Variants in PLEKHB2 observed in about 807,000 individuals in gnomAD.
PLEKHB2 encodes the protein pleckstrin homology domain-containing family B member 2.
In PLEKHB2, 31 loss-of-function variants were observed where a neutral mutation model predicts 36.5. The ratio of observed to expected loss-of-function variants is 0.85; its 90% CI spans 0.64 to 1.15. The LOEUF (loss-of-function observed/expected upper bound fraction) is 1.15, where lower values mean the gene tolerates loss of function less well. Ranked by LOEUF, PLEKHB2 falls within the 50% of genes most tolerant of loss-of-function variation. PLEKHB2 has a pLI of 0.00. For synonymous variants in PLEKHB2, 119 were observed against 112.0 expected, an observed-to-expected ratio of 1.06 and a Z score of -0.39; for missense variants, 262 against 295.3, an observed-to-expected ratio of 0.89 and a Z score of 0.83.
chr2:131,148,546 TACAC>T lies in PLEKHB2; in HGVS notation c.*1777_*1780del, dbSNP rs1467620754. 6.6e-6 allele frequency: 1 copy of T among 151,302 alleles called. No individual in the cohort carries two copies. Among genetic ancestry groups the T allele is most frequent in the Non-Finnish European group, 1.5e-5 (1 of 68,044 alleles). 9.4% of individuals were successfully genotyped at this position (151,302 alleles called of 1,614,324 possible). ...AGACTTGTTATTTTGCCTGGCTGGTTACACACATGCTGTCTTGCTTTGCTGCTCA... is the reference window on the plus strand; with the variant it reads ...AGACTTGTTATTTTGCCTGGCTGGTTACATGCTGTCTTGCTTTGCTGCTCA... On this transcript the variant is annotated 3_prime_UTR_variant, in exon 8 of 8. Coordinates refer to ENST00000693505, the MANE Select transcript of PLEKHB2 (RefSeq NM_001100623.2).
intron 2 of PLEKHB2, among the ~76,000 whole-genome samples, chr2:131,121,475 C>T (rs1467224219): frequency 3.3e-5 from 5 of 151,914 alleles, no homozygotes; most frequent in Admixed American, 6.6e-5. Flanking sequence ...CTCAAACTCC[C>T]GACCTCAGGT....
chr2:131,115,341 CTTTTTTTTTTTTTTT>C (rs1179533654), intron 1 of PLEKHB2, among the ~76,000 whole-genome samples: 49 of 64,566 alleles, frequency 7.6e-4, no homozygotes, highest in East Asian at 1.7e-3. Context: ...GAAAGTATGT[CTTTTTTTTTTTTTTT>C]TTTTTTTTTT....
Position 131,125,737 on chromosome 2 carries a change from T to C in PLEKHB2, c.38-16T>C. 1 of 1,577,420 alleles carries C rather than the reference T, an allele frequency of 6.3e-7. No individual in the cohort carries two copies. Reference sequence around the variant, plus strand: ...TCTAAAAAAAAAAAAACAACCGTACTATTTTTTTTTTCCAGGTACTATTTT... The same window carrying C: ...TCTAAAAAAAAAAAAACAACCGTACCATTTTTTTTTTCCAGGTACTATTTT... On this transcript the variant is annotated splice_polypyrimidine_tract_variant and intron_variant, in intron 2 of 7. Coordinates refer to ENST00000693505, the MANE Select transcript of PLEKHB2 (RefSeq NM_001100623.2).
At chr2:131,105,495 C>T (rs1694602611) in intron 1 of PLEKHB2, 97 bp downstream of exon 1, 1 of 153,492 alleles carries the variant, frequency 6.5e-6, no homozygotes, top group Non-Finnish European at 1.4e-5. Flanking sequence ...CCTCGCGCCC[C>T]TCTGAGGGGA....
rs200833332 is a variant in PLEKHB2 at position 131,146,812 on chromosome 2, C to A, written c.*39C>A. ...TTGATGTGCATAGCTTCTGATAACC[C>A]TGTGTGCAATAATATGATTTGCAGG... On this transcript the variant is annotated 3_prime_UTR_variant, in exon 8 of 8. Transcript: ENST00000693505. The A allele has an allele frequency of 1.3e-4, 196 of 1,518,580 alleles. No homozygotes were observed. The highest frequency in any genetic ancestry group is 1.7e-4 in the Non-Finnish European group (186 of 1,124,974). 94.1% of individuals were successfully genotyped at this position (1,518,580 alleles called of 1,614,324 possible). A position where few individuals can be genotyped will look rare whatever the true frequency, so the allele number is the denominator to read the frequency against.
chr2:131,110,658 C>T (rs1199786243), intron 1 of PLEKHB2, among the ~76,000 whole-genome samples: 1 of 152,186 alleles, frequency 6.6e-6, no homozygotes, highest in Non-Finnish European at 1.5e-5. Context: ...TGCTCAAGAG[C>T]CACCATGCCT....
At position 131,120,950 on chromosome 2, in the gene PLEKHB2, T is replaced by C. The variant is rs1338848859; in HGVS notation, c.9T>C (p.Phe3=). 1 of 1,614,266 alleles carries C rather than the reference T, an allele frequency of 6.2e-7. No individual in the cohort carries two copies. The highest frequency in any genetic ancestry group is 1.6e-4 in the Middle Eastern group (1 of 6,062). MA[F]VKSGWLLRQS... ...GTTCTGTAGGTGAAGAGATGGCGTT[T>C]GTGAAGAGTGGCTGGTTGCTGCGAC... The change falls in exon 2 of 8, where the codon TTT becomes TTC. Residue 3 remains phenylalanine (F), a synonymous_variant. Transcript: ENST00000693505.
intron 6 of PLEKHB2, among the ~76,000 whole-genome samples, chr2:131,139,325 C>T (rs1173350768): frequency 6.6e-6 from 1 of 152,038 alleles, no homozygotes; most frequent in Non-Finnish European, 1.5e-5. Context: ...TATATAATGA[C>T]CAGAGATTGT....
intron 1 of PLEKHB2, among the ~76,000 whole-genome samples, chr2:131,110,285 C>T (rs891430618): frequency 1.3e-5 from 2 of 150,920 alleles, no homozygotes; most frequent in African/African-American, 4.9e-5. Context: ...TTTTCCTCCC[C>T]TGTAGTACTC....
intron 1 of PLEKHB2, among the ~76,000 whole-genome samples, chr2:131,119,970 C>CTTT (rs1212612084): frequency 1.3e-4 from 18 of 136,706 alleles, no homozygotes; most frequent in East Asian, 2.1e-4. Flanking sequence ...TCTTCTTCTT[C>CTTT]TTTTTTTTTT....
chr2:131,120,829 GC>G, intron 1 of PLEKHB2, 104 bp from the exon 2 acceptor site: 1 of 1,155,856 alleles, frequency 8.7e-7, no homozygotes, highest in Non-Finnish European at 1.3e-6. Flanking sequence ...ATGGCCTTGG[GC>G]CCTTCCTCAG....
At chr2:131,129,515 G>A (rs1285332167) in intron 4 of PLEKHB2, among the ~76,000 whole-genome samples, 1 of 151,816 alleles carries the variant, frequency 6.6e-6, no homozygotes, top group Non-Finnish European at 1.5e-5. Context: ...ACACTATTTT[G>A]TTTTTTGAGA....
rs753076211 is a variant in PLEKHB2, at chr2:131,126,011, A to T, written c.190+106A>T. On this transcript the variant is annotated intron_variant, in intron 3 of 7. Coordinates refer to ENST00000693505, the MANE Select transcript of PLEKHB2 (RefSeq NM_001100623.2). ...TTCTGCTTTCATTAACAGATTGAAGAAGGGCTCCATCTCAGAGGGGCGACC... is the reference window on the plus strand; with the variant it reads ...TTCTGCTTTCATTAACAGATTGAAGTAGGGCTCCATCTCAGAGGGGCGACC... The T allele has an allele frequency of 1.9e-5, 22 of 1,138,210 alleles. No homozygotes were observed. The Admixed American group carries it at 3.4e-4, about 18-fold the overall frequency. 70.5% of individuals were successfully genotyped at this position (1,138,210 alleles called of 1,614,324 possible). A position where few individuals can be genotyped will look rare whatever the true frequency, so the allele number is the denominator to read the frequency against.
chr2:131,124,760 T>C (rs1206050256), intron 2 of PLEKHB2, among the ~76,000 whole-genome samples: 1 of 151,816 alleles, frequency 6.6e-6, no homozygotes, highest in Non-Finnish European at 1.5e-5. Context: ...GTGAAAACTC[T>C]TAAGGACAAA....
chr2:131,144,713 A>T lies in PLEKHB2; in HGVS notation c.533-1924A>T, dbSNP rs181978833. ...GCATCCACAGCTGACTCTGGCAAGG[A>T]CTGAGCTCAATGCAGGAGCAGAGCT... On this transcript the variant is annotated intron_variant, in intron 7 of 7. Coordinates refer to ENST00000693505, the MANE Select transcript of PLEKHB2 (RefSeq NM_001100623.2). Among the ~76,000 whole-genome samples the T allele has an allele frequency of 3.7e-3, 564 of 152,340 alleles. 3 individuals are homozygous for T. Among genetic ancestry groups the T allele is most frequent in the African/African-American group, 0.013 (549 of 41,576 alleles).
intron 1 of PLEKHB2, among the ~76,000 whole-genome samples, chr2:131,114,138 A>G (rs1387225564): frequency 6.6e-6 from 1 of 151,680 alleles, no homozygotes; most frequent in African/African-American, 2.4e-5. Context: ...CTTAACTCTC[A>G]TTTTAGTTGC....
chr2:131,126,995 A>T, intron 4 of PLEKHB2: 2 of 508,110 alleles, frequency 3.9e-6, no homozygotes, highest in Non-Finnish European at 7.0e-6. Context: ...ATTGTGGTGA[A>T]AATGGCAGAA....
chr2:131,136,498 C>T (rs1193938443), intron 6 of PLEKHB2, among the ~76,000 whole-genome samples: 1 of 151,610 alleles, frequency 6.6e-6, no homozygotes, highest in African/African-American at 2.4e-5. Context: ...ACTTTTTCTA[C>T]AGTAATTAAT....
At chr2:131,105,726 G>A (rs1233266364) in intron 1 of PLEKHB2, among the ~76,000 whole-genome samples, 2 of 151,838 alleles carry the variant, frequency 1.3e-5, no homozygotes, top group African/African-American at 2.4e-5. Flanking sequence ...TCCTTTCCCC[G>A]AGCCCCTCCT....
Sources: gnomAD v4.1 joint callset for allele counts (sites outside exome capture counted in the v4.1 genomes callset) on GRCh38, gnomAD v4.1.1 for gene constraint, MANE v1.5 for transcripts, NCBI Gene and HGNC (gene_info 2026-07-23, HGNC 2026-07-21) for gene names.